SHROOM3: variants seen among roughly 807,000 people sequenced by gnomAD.
The protein encoded by SHROOM3 is protein Shroom3.
A neutral mutation model predicts 138.6 loss-of-function variants in SHROOM3; 47 were observed. The ratio of observed to expected loss-of-function variants is 0.34; its 90% CI spans 0.27 to 0.43. SHROOM3 has a LOEUF of 0.43. Among genes scored for constraint, SHROOM3 ranks in the 20% least tolerant of loss-of-function variants. The pLI is 1.00. For missense variants in SHROOM3, 2,491 were observed against 2,596.5 expected, an observed-to-expected ratio of 0.96 and a Z score of 0.88; for synonymous variants, 1,062 against 1,063.3, an observed-to-expected ratio of 1.00 and a Z score of 0.02.
At chr4:76,774,741 T>G (rs1263163227) in intron 10 of SHROOM3, among the ~76,000 whole-genome samples, 1 of 149,636 alleles carries the variant, frequency 6.7e-6, no homozygotes, top group African/African-American at 2.5e-5. Context: ...TTTTAAGGTA[T>G]GTTTTTCTGC....
At chr4:76,731,623 A>G (rs1469874598) in intron 4 of SHROOM3, among the ~76,000 whole-genome samples, 1 of 152,140 alleles carries the variant, frequency 6.6e-6, no homozygotes. Context: ...TCTACTAAAA[A>G]TACAAAAATT....
At position 76,709,577 on chromosome 4, in the gene SHROOM3, G is replaced by A. The variant is rs550448386; in HGVS notation, c.324-579G>A. Among the ~76,000 whole-genome samples the A allele has an allele frequency of 7.9e-5, 12 of 152,250 alleles. No homozygotes were observed. In the South Asian group the frequency reaches 2.3e-3, roughly 29 times the overall value. ...TGTTAGGGACTGGGGGTGGGAGGGT[G>A]GATTTAAATGGACACACAAAAGGCT... On this transcript the variant is annotated intron_variant, in intron 2 of 10. Transcript: ENST00000296043.
intron 1 of SHROOM3, among the ~76,000 whole-genome samples, chr4:76,523,741 C>T (rs190144915): frequency 7.2e-5 from 11 of 152,226 alleles, no homozygotes; most frequent in Admixed American, 2.6e-4. Flanking sequence ...CATTAGGAAG[C>T]GTTTCCATGA....
At chr4:76,717,710 A>AT (rs1173991246) in intron 3 of SHROOM3, among the ~76,000 whole-genome samples, 2 of 152,104 alleles carry the variant, frequency 1.3e-5, no homozygotes, top group Non-Finnish European at 2.9e-5. Flanking sequence ...CTCTAAAAAA[A>AT]TTTTTTTAAG....
intron 10 of SHROOM3, among the ~76,000 whole-genome samples, chr4:76,772,276 G>C (rs34973367): frequency 0.059 from 8,996 of 151,602 alleles, 298 homozygotes; most frequent in Non-Finnish European, 0.071. Context: ...GCTAATTTTT[G>C]TATTTTTAGT....
rs1721166490 is a variant in SHROOM3 at position 76,739,100 on chromosome 4, A to G, written c.927A>G (p.Thr309=). 6.2e-7 allele frequency: 1 copy of G among 1,614,228 alleles called. No homozygotes were observed. Among genetic ancestry groups the G allele is most frequent in the Non-Finnish European group, 8.5e-7 (1 of 1,180,034 alleles). The change falls in exon 5 of 11, where the codon ACA becomes ACG. Residue 309 remains threonine, a synonymous_variant. Transcript: ENST00000296043. ...AGGCAGATATTCGCTATGTCAAGACAGTCTATGACACCCGGAGGGGAGTCT... is the reference window on the plus strand; with the variant it reads ...AGGCAGATATTCGCTATGTCAAGACGGTCTATGACACCCGGAGGGGAGTCT... The part of the protein sequence containing the change: ...MRQADIRYVK[T]VYDTRRGVSA...
chr4:76,514,445 T>A (rs1452507131), intron 1 of SHROOM3, among the ~76,000 whole-genome samples: 1 of 152,104 alleles, frequency 6.6e-6, no homozygotes, highest in African/African-American at 2.4e-5. Context: ...AACAGGCAAA[T>A]CCATAGAAAA....
At chr4:76,488,976 A>G (rs1439931722) in intron 1 of SHROOM3, among the ~76,000 whole-genome samples, 1 of 152,230 alleles carries the variant, frequency 6.6e-6, no homozygotes, top group Non-Finnish European at 1.5e-5. Flanking sequence ...AGTACTAACC[A>G]CTAAGTGTGC....
intron 9 of SHROOM3, among the ~76,000 whole-genome samples, chr4:76,769,449 G>T (rs1722277070): frequency 6.6e-6 from 1 of 152,184 alleles, no homozygotes; most frequent in Admixed American, 6.5e-5. Flanking sequence ...TTTAATTTCT[G>T]TTGTGCAAAA....
At chr4:76,709,879 TGC>T in intron 2 of SHROOM3, 1 of 391,170 alleles carries the variant, frequency 2.6e-6, no homozygotes, top group Non-Finnish European at 4.8e-6. Flanking sequence ...TCTTCCTTTT[TGC>T]TTAGAAAATC....
intron 9 of SHROOM3, among the ~76,000 whole-genome samples, chr4:76,770,059 A>C (rs1471990043): frequency 6.6e-6 from 1 of 152,188 alleles, no homozygotes; most frequent in Admixed American, 6.5e-5. Context: ...ACAGTGGCTT[A>C]TGCCTATAAT....
intron 10 of SHROOM3, 124 bp downstream of exon 10, chr4:76,771,022 G>A (rs895961449): frequency 3.2e-6 from 4 of 1,254,706 alleles, no homozygotes; most frequent in Non-Finnish European, 3.5e-6. Flanking sequence ...GGCAGGGAGA[G>A]AATACATGTA....
At position 76,691,821 on chromosome 4, in the gene SHROOM3, C is replaced by G. The variant is rs558068855; in HGVS notation, c.324-18335C>G. ...CTCTTCAATGTTTATTCTTGCTTTC[C>G]CTTTTCATGCAGAACCCATACAGAC... On this transcript the variant is annotated intron_variant, in intron 2 of 10. Coordinates refer to ENST00000296043, the MANE Select transcript of SHROOM3 (RefSeq NM_020859.4). Among the ~76,000 whole-genome samples the G allele has an allele frequency of 8.7e-4, 132 of 152,254 alleles. 1 individual carries two copies. The highest frequency in any genetic ancestry group is 2.2e-3 in the Admixed American group (33 of 15,304).
At chr4:76,754,215 C>A in intron 6 of SHROOM3, 96 bp from the exon 7 acceptor site, 2 of 1,516,578 alleles carry the variant, frequency 1.3e-6, no homozygotes, top group Non-Finnish European at 1.8e-6. Flanking sequence ...GTCCTCCTTC[C>A]TCTTAAATGC....
chr4:76,502,777 A>G (rs1470959601), intron 1 of SHROOM3, among the ~76,000 whole-genome samples: 7 of 152,274 alleles, frequency 4.6e-5, no homozygotes, highest in Non-Finnish European at 7.4e-5. Flanking sequence ...TATCTTTCAT[A>G]TTTGGATCTG....
At chr4:76,441,082 A>ATTTGTTTTTTTT (rs1730659683) in intron 1 of SHROOM3, among the ~76,000 whole-genome samples, 2 of 55,964 alleles carry the variant, frequency 3.6e-5, no homozygotes, top group African/African-American at 9.9e-5. Context: ...CCTGAGTTCA[A>ATTTGTTTTTTTT]TTTGTTTTTT....
At chr4:76,604,337 A>G (rs1303148636) in intron 2 of SHROOM3, among the ~76,000 whole-genome samples, 1 of 152,242 alleles carries the variant, frequency 6.6e-6, no homozygotes, top group African/African-American at 2.4e-5. Context: ...GACATGTTGT[A>G]TAATATTTAT....
Position 76,585,926 on chromosome 4 carries a change from G to A in SHROOM3, c.323+30163G>A, listed in dbSNP as rs1172980138. On this transcript the variant is annotated intron_variant, in intron 2 of 10. Coordinates refer to ENST00000296043, the MANE Select transcript of SHROOM3 (RefSeq NM_020859.4). ...GGGAGGAAGGGCAGATAAAGCTGCCGACGCTGTGTTCTTCTTTACCTTCGC... is the reference window on the plus strand; with the variant it reads ...GGGAGGAAGGGCAGATAAAGCTGCCAACGCTGTGTTCTTCTTTACCTTCGC... Among the ~76,000 whole-genome samples the A allele has an allele frequency of 4.6e-5, 7 of 152,304 alleles. No individual in the cohort carries two copies. In the East Asian group the frequency reaches 1.2e-3, roughly 25 times the overall value.
intron 5 of SHROOM3, among the ~76,000 whole-genome samples, chr4:76,743,515 T>C (rs1706322920): frequency 6.6e-6 from 1 of 152,160 alleles, no homozygotes; most frequent in African/African-American, 2.4e-5. Context: ...TGAGACCTTC[T>C]CATATATTTG....
Sources: gnomAD v4.1 joint callset for allele counts (sites outside exome capture counted in the v4.1 genomes callset) on GRCh38, gnomAD v4.1.1 for gene constraint, MANE v1.5 for transcripts, NCBI Gene and HGNC (gene_info 2026-07-23, HGNC 2026-07-21) for gene names.